PIP4K2B: variants seen among roughly 807,000 people sequenced by gnomAD.
PIP4K2B encodes the protein phosphatidylinositol-5-phosphate 4-kinase type 2 beta.
A neutral mutation model predicts 42.0 loss-of-function variants in PIP4K2B; 3 were observed. The observed-to-expected ratio is 0.07, with a 90% CI of 0.03 to 0.18. PIP4K2B has a LOEUF of 0.18. PIP4K2B is among the 10% of genes least tolerant of loss of function. The probability of loss-of-function intolerance (pLI) is 1.00; values close to 1 mark genes in which losing one functional copy is unlikely to be tolerated. For synonymous variants in PIP4K2B, 204 were observed against 210.1 expected (o/e 0.97, Z 0.25); for missense variants, 332 against 562.3 (o/e 0.59, Z 4.14).
At chr17:38,788,648 G>A (rs1910171497) in intron 1 of PIP4K2B, among the ~76,000 whole-genome samples, 1 of 152,032 alleles carries the variant, frequency 6.6e-6, no homozygotes, top group South Asian at 2.1e-4. Context: ...CTTGAGGCCA[G>A]GAGTTCTATA....
rs558588945 is a variant in PIP4K2B, at chr17:38,799,455, G to C, written c.-31C>G. 2.0e-6 allele frequency: 3 copies of C among 1,536,826 alleles called. No homozygotes were observed. The highest frequency in any genetic ancestry group is 2.6e-6 in the Non-Finnish European group (3 of 1,149,980). On this transcript the variant is annotated 5_prime_UTR_variant, in exon 1 of 10. Transcript: ENST00000619039. This position sits in a 1 kb window ranked among gnomAD's most constrained non-coding sequence, Gnocchi z 4.4. ...GGGCGGCGGCGGCGGCGGCGAAAGA[G>C]GGGGGCGGCGGAGACAGCGCACAAG...
At chr17:38,785,236 C>A (rs995642147) in intron 2 of PIP4K2B, among the ~76,000 whole-genome samples, 2 of 152,208 alleles carry the variant, frequency 1.3e-5, no homozygotes, top group African/African-American at 4.8e-5. Context: ...TGTTTAGGGA[C>A]CCCCTTTCAG....
intron 1 of PIP4K2B, among the ~76,000 whole-genome samples, chr17:38,793,226 G>A (rs1910433998): frequency 2.0e-5 from 3 of 149,494 alleles, no homozygotes; most frequent in Admixed American, 2.0e-4. Context: ...ACTGCTCCCA[G>A]CCATCTCTGA....
At chr17:38,790,515 G>C (rs1252819841) in intron 1 of PIP4K2B, among the ~76,000 whole-genome samples, 1 of 152,208 alleles carries the variant, frequency 6.6e-6, no homozygotes, top group Non-Finnish European at 1.5e-5. Flanking sequence ...CTGGAGTGCA[G>C]TGGCAGAATC....
intron 3 of PIP4K2B, among the ~76,000 whole-genome samples, chr17:38,781,458 G>C (rs7222446): frequency 0.054 from 8,146 of 152,088 alleles, 742 homozygotes; most frequent in African/African-American, 0.19. Context: ...AACATACATG[G>C]GGATCATGTC....
At chr17:38,779,917 C>G (rs1048714716) in intron 4 of PIP4K2B, 1 of 214,232 alleles carries the variant, frequency 4.7e-6, no homozygotes, top group African/African-American at 2.3e-5. Context: ...CAGAGGCAGG[C>G]CAGGGATCCA....
At position 38,770,424 on chromosome 17, in the gene PIP4K2B, G is replaced by C. The variant is rs769605576; in HGVS notation, c.1170+12C>G. ...CCCAGCTGGGCCCTGGATGAAGATG[G>C]AGAGGACTCACCCCGTGTTTCACCG... On this transcript the variant is annotated intron_variant, in intron 9 of 9. Coordinates refer to ENST00000619039, the MANE Select transcript of PIP4K2B (RefSeq NM_003559.5). 6.4e-7 allele frequency: 1 copy of C among 1,559,230 alleles called. No individual in the cohort carries two copies. The highest frequency in any genetic ancestry group is 2.2e-5 in the East Asian group (1 of 44,590).
chr17:38,783,467 C>T (rs562134532), intron 3 of PIP4K2B, among the ~76,000 whole-genome samples: 142 of 152,200 alleles, frequency 9.3e-4, no homozygotes, highest in Non-Finnish European at 1.8e-3. Flanking sequence ...CCCACTCCCA[C>T]CACCAGGATA....
chr17:38,798,878 G>A lies in PIP4K2B; in HGVS notation c.159+388C>T, dbSNP rs139415929. ...CTGCTACTTGACAGAGCTGGCAGCC[G>A]GCTGTAAGGAACAAGGGGGAATATA... On this transcript the variant is annotated intron_variant, in intron 1 of 9. Coordinates refer to ENST00000619039, the MANE Select transcript of PIP4K2B (RefSeq NM_003559.5). Among the ~76,000 whole-genome samples the A allele has an allele frequency of 4.7e-3, 714 of 152,334 alleles. 7 individuals are homozygous for A. The highest frequency in any genetic ancestry group is 0.017 in the African/African-American group (689 of 41,580).
chr17:38,787,297 GCCA>G (rs1441117124), intron 1 of PIP4K2B, among the ~76,000 whole-genome samples: 1 of 152,198 alleles, frequency 6.6e-6, no homozygotes, highest in Non-Finnish European at 1.5e-5. Context: ...ACAGGTGTCA[GCCA>G]CCACACCTGG....
chr17:38,772,083 A>T (rs145012830), intron 7 of PIP4K2B, among the ~76,000 whole-genome samples: 1 of 152,322 alleles, frequency 6.6e-6, no homozygotes, highest in East Asian at 1.9e-4. Flanking sequence ...TAATGAAATG[A>T]TATACTATGG....
intron 7 of PIP4K2B, 96 bp from the exon 8 acceptor site, chr17:38,771,368 T>G (rs1243608473): frequency 2.2e-6 from 3 of 1,376,200 alleles, no homozygotes; most frequent in Non-Finnish European, 3.0e-6. Flanking sequence ...TCCTTTCAAC[T>G]CAATTCTACA....
intron 1 of PIP4K2B, among the ~76,000 whole-genome samples, chr17:38,789,021 AG>A (rs1910197736): frequency 6.6e-6 from 1 of 151,966 alleles, no homozygotes; most frequent in African/African-American, 2.4e-5. Flanking sequence ...CAGGAGGCTG[AG>A]GTGGGAGGAT....
intron 1 of PIP4K2B, among the ~76,000 whole-genome samples, chr17:38,793,639 G>C (rs985297571): frequency 9.9e-5 from 15 of 152,196 alleles, no homozygotes; most frequent in Admixed American, 6.5e-5. Flanking sequence ...GGAAGACCGA[G>C]GTGGGCAAAT....
chr17:38,782,962 C>T (rs1188964127), intron 3 of PIP4K2B, among the ~76,000 whole-genome samples: 2 of 151,854 alleles, frequency 1.3e-5, no homozygotes, highest in East Asian at 1.9e-4. Flanking sequence ...CCGAGGCAGG[C>T]AGATCACAAG....
rs887765673 is a variant in PIP4K2B, at chr17:38,767,198, T to C, written c.*2493A>G. On this transcript the variant is annotated 3_prime_UTR_variant, in exon 10 of 10. Coordinates refer to ENST00000619039, the MANE Select transcript of PIP4K2B (RefSeq NM_003559.5). ...ATGGCGGGACCCAAGGAGGAAAGAG[T>C]GGGGGCAGACAACGCTTGGGGGATC... The C allele has an allele frequency of 6.6e-6, 1 of 151,134 alleles. No homozygotes were observed. Among genetic ancestry groups the C allele is most frequent in the African/African-American group, 2.4e-5 (1 of 41,040 alleles). The allele number at this position is 151,134 out of a possible 1,614,324, so 9.4% of individuals were successfully genotyped here.
chr17:38,794,418 C>T (rs948015809), intron 1 of PIP4K2B, among the ~76,000 whole-genome samples: 4 of 150,166 alleles, frequency 2.7e-5, no homozygotes, highest in African/African-American at 9.8e-5. Flanking sequence ...TTCCCATGGT[C>T]ATCAATAACA....
In PIP4K2B at chr17:38,779,458, A is replaced by G. The variant is rs1909569581; in HGVS notation, c.579T>C (p.Gly193=). Residue 193 remains glycine (G), a synonymous_variant, in exon 5 of 10, where the codon GGT becomes GGC. Coordinates refer to ENST00000619039, the MANE Select transcript of PIP4K2B (RefSeq NM_003559.5). ...FLGMYRLTVD[G]VETYMVVTRN... ...TGGTAACCACCATGTAGGTTTCCAC[A>G]CCATCCACGGTCAGGCGGTACATGC... 1 of 1,613,900 alleles carries G rather than the reference A, an allele frequency of 6.2e-7. No homozygotes were observed. Among genetic ancestry groups the G allele is most frequent in the African/African-American group, 1.3e-5 (1 of 74,936 alleles).
At chr17:38,797,840 G>A (rs1307240478) in intron 1 of PIP4K2B, among the ~76,000 whole-genome samples, 5 of 152,152 alleles carry the variant, frequency 3.3e-5, no homozygotes, top group African/African-American at 9.7e-5. Context: ...CAGGAAGACC[G>A]AGTAACAAAC....
Sources: gnomAD v4.1 joint callset for allele counts (sites outside exome capture counted in the v4.1 genomes callset) on GRCh38, gnomAD v4.1.1 for gene constraint, Gnocchi (gnomAD v3.1) non-coding constraint, MANE v1.5 for transcripts, NCBI Gene and HGNC (gene_info 2026-07-23, HGNC 2026-07-21) for gene names.